The following GALNT18 variants were observed in gnomAD, a reference collection of about 807,000 sequenced individuals.
GALNT18 encodes GalNAc-transferase 18.
In GALNT18, 44 loss-of-function variants were observed where a neutral mutation model predicts 69.5. The observed-to-expected ratio is 0.63, with a 90% CI of 0.50 to 0.81. The LOEUF (loss-of-function observed/expected upper bound fraction) is 0.81, where lower values mean the gene tolerates loss of function less well. Among genes scored for constraint, GALNT18 ranks in the 40% least tolerant of loss-of-function variants. The pLI, the probability that GALNT18 is intolerant of heterozygous loss-of-function variation, is 0.00. For missense variants in GALNT18, 715 were observed against 810.0 expected (o/e 0.88, Z 1.42); for synonymous variants, 364 against 318.2 (o/e 1.14, Z -1.53).
At chr11:11,491,268 T>C (rs1259648247) in intron 1 of GALNT18, among the ~76,000 whole-genome samples, 2 of 152,164 alleles carry the variant, frequency 1.3e-5, no homozygotes, top group African/African-American at 4.8e-5. Flanking sequence ...CTATGAATCA[T>C]TTGCAAGAAA....
intron 1 of GALNT18, among the ~76,000 whole-genome samples, chr11:11,453,005 C>T (rs1448784671): frequency 6.6e-6 from 1 of 152,168 alleles, no homozygotes; most frequent in African/African-American, 2.4e-5. Flanking sequence ...GGATTCTGAG[C>T]ACAACACAGA....
intron 10 of GALNT18, among the ~76,000 whole-genome samples, chr11:11,272,953 A>G (rs1418582397): frequency 6.6e-6 from 1 of 152,250 alleles, no homozygotes; most frequent in African/African-American, 2.4e-5. Flanking sequence ...TGGGGAAAGG[A>G]CAGTCTTTTC....
At chr11:11,532,537 G>A (rs566242523) in intron 1 of GALNT18, among the ~76,000 whole-genome samples, 2 of 152,106 alleles carry the variant, frequency 1.3e-5, no homozygotes, top group Admixed American at 6.5e-5. Context: ...TCATAAAACC[G>A]AACTGAAGCT....
intron 6 of GALNT18, among the ~76,000 whole-genome samples, chr11:11,360,325 G>C (rs748426835): frequency 1.3e-5 from 2 of 152,162 alleles, no homozygotes; most frequent in Admixed American, 1.3e-4. Context: ...TGCTGCTCTC[G>C]CAATGCATCA....
chr11:11,585,269 A>G (rs1226224425), intron 1 of GALNT18, among the ~76,000 whole-genome samples: 1 of 152,218 alleles, frequency 6.6e-6, no homozygotes, highest in Admixed American at 6.5e-5. Flanking sequence ...GTTTGGGTGT[A>G]GTATCAAAGA....
chr11:11,587,119 C>T lies in GALNT18; in HGVS notation c.235+34240G>A, dbSNP rs558782450. 1.3e-5 allele frequency among the ~76,000 whole-genome samples: 2 copies of T among 152,318 alleles called. No individual in the cohort carries two copies. The highest frequency in any genetic ancestry group is 4.8e-5 in the African/African-American group (2 of 41,564). ...CCCCTCCCCCAGTATCCAAACCTTCCCCAAGAGCCAGCCACAAAACAGTTA... is the reference window on the plus strand; with the variant it reads ...CCCCTCCCCCAGTATCCAAACCTTCTCCAAGAGCCAGCCACAAAACAGTTA... On this transcript the variant is annotated intron_variant, in intron 1 of 10. Transcript: ENST00000227756. This position sits in a 1 kb window ranked among gnomAD's most constrained non-coding sequence, Gnocchi z 4.4.
In GALNT18 at chr11:11,461,360, T is replaced by C. The variant is rs16909697; in HGVS notation, c.236-12424A>G. 0.014 allele frequency among the ~76,000 whole-genome samples: 2,141 copies of C among 152,280 alleles called. 20 individuals are homozygous for C. Among genetic ancestry groups the C allele is most frequent in the Non-Finnish European group, 0.023 (1,546 of 68,022 alleles). ...AGAAATTATGCAGAATGAAAGCTGC[T>C]ATTAAAGGGTCAAGTTTTTACACTC... On this transcript the variant is annotated intron_variant, in intron 1 of 10. Coordinates refer to ENST00000227756, the MANE Select transcript of GALNT18 (RefSeq NM_198516.3). The surrounding 1 kb of genome is among the most constrained non-coding windows in gnomAD (Gnocchi z 4.1).
Position 11,462,310 on chromosome 11 carries a change from T to G in GALNT18, c.236-13374A>C, listed in dbSNP as rs1856062444. 2.0e-5 allele frequency among the ~76,000 whole-genome samples: 3 copies of G among 150,352 alleles called. No homozygotes were observed. The South Asian group carries it at 6.4e-4, about 32-fold the overall frequency. On this transcript the variant is annotated intron_variant, in intron 1 of 10. Coordinates refer to ENST00000227756, the MANE Select transcript of GALNT18 (RefSeq NM_198516.3). Reference sequence around the variant, plus strand: ...TTTTTCCTTTGCGATGGAGTCTTGCTCTGTCGCCCAGGCTGGAGTGCAGTG... The same window carrying G: ...TTTTTCCTTTGCGATGGAGTCTTGCGCTGTCGCCCAGGCTGGAGTGCAGTG...
chr11:11,416,838 A>T (rs1263947893), intron 3 of GALNT18, among the ~76,000 whole-genome samples: 2 of 152,158 alleles, frequency 1.3e-5, no homozygotes, highest in African/African-American at 4.8e-5. Flanking sequence ...TGGCACCTCA[A>T]AATGATAGCA....
intron 6 of GALNT18, among the ~76,000 whole-genome samples, chr11:11,359,752 C>T (rs1408493750): frequency 2.0e-5 from 3 of 152,184 alleles, no homozygotes; most frequent in Non-Finnish European, 2.9e-5. Context: ...TTGAAATTAA[C>T]CTTTATCCAT....
At chr11:11,275,123 G>C (rs565505379) in intron 10 of GALNT18, among the ~76,000 whole-genome samples, 1 of 152,230 alleles carries the variant, frequency 6.6e-6, no homozygotes, top group Non-Finnish European at 1.5e-5. Context: ...TGGCCACACT[G>C]TCTTCCACAA....
chr11:11,401,259 C>A (rs1854462068), intron 3 of GALNT18, among the ~76,000 whole-genome samples: 1 of 152,192 alleles, frequency 6.6e-6, no homozygotes, highest in Admixed American at 6.5e-5. Context: ...TCTGAGAGCT[C>A]AGAGTACAGA....
chr11:11,615,316 C>T (rs979787672), intron 1 of GALNT18, among the ~76,000 whole-genome samples: 4 of 152,248 alleles, frequency 2.6e-5, no homozygotes, highest in South Asian at 4.1e-4. Flanking sequence ...GTAGTCATGG[C>T]GAACAACCTG....
intron 9 of GALNT18, among the ~76,000 whole-genome samples, chr11:11,306,079 C>T (rs1161532055): frequency 1.3e-5 from 2 of 152,188 alleles, no homozygotes; most frequent in African/African-American, 2.4e-5. Flanking sequence ...ATAGTCTATG[C>T]CATGTCTAGA....
At chr11:11,363,056 A>G (rs536183177) in intron 6 of GALNT18, among the ~76,000 whole-genome samples, 12 of 152,328 alleles carry the variant, frequency 7.9e-5, no homozygotes, top group African/African-American at 2.9e-4. Context: ...TGTGCATAGT[A>G]TACTACCATT....
chr11:11,353,829 T>C (rs1233850280), intron 6 of GALNT18, among the ~76,000 whole-genome samples: 1 of 152,114 alleles, frequency 6.6e-6, no homozygotes, highest in Admixed American at 6.5e-5. Context: ...CCCAGCACCA[T>C]AGAGCCAACT....
chr11:11,484,313 C>T (rs964970563), intron 1 of GALNT18, among the ~76,000 whole-genome samples: 4 of 151,878 alleles, frequency 2.6e-5, no homozygotes, highest in African/African-American at 9.7e-5. Context: ...CCAGGTGAGG[C>T]CAGGCATGGT....
At chr11:11,440,619 A>G (rs190636616) in intron 2 of GALNT18, among the ~76,000 whole-genome samples, 14 of 152,310 alleles carry the variant, frequency 9.2e-5, no homozygotes, top group Non-Finnish European at 1.8e-4. Context: ...ACTTCTGTGT[A>G]ACCTGTCCTG....
At chr11:11,364,552 A>AG (rs200526216) in intron 6 of GALNT18, among the ~76,000 whole-genome samples, 4 of 140,066 alleles carry the variant, frequency 2.9e-5, no homozygotes, top group Non-Finnish European at 6.6e-5. Flanking sequence ...AAATTACAAG[A>AG]GGGGGGGAAA....
Sources: gnomAD v4.1 joint callset for allele counts (sites outside exome capture counted in the v4.1 genomes callset) on GRCh38, gnomAD v4.1.1 for gene constraint, Gnocchi (gnomAD v3.1) non-coding constraint, MANE v1.5 for transcripts, NCBI Gene and HGNC (gene_info 2026-07-23, HGNC 2026-07-21) for gene names.